The following MBD5 variants were observed in gnomAD, a reference collection of about 807,000 sequenced individuals.
MBD5 encodes methyl-CpG-binding domain protein 5.
In MBD5, 13 loss-of-function variants were observed where a neutral mutation model predicts 117.3. That is an observed-to-expected ratio of 0.11 (90% CI 0.07 to 0.18). The LOEUF is 0.18. Ranked by LOEUF, MBD5 falls within the 10% of genes least tolerant of loss-of-function variation. The pLI is 1.00. For missense variants in MBD5, 1,879 were observed against 2,093.8 expected (o/e 0.90, Z 2.00); for synonymous variants, 727 against 766.4 (o/e 0.95, Z 0.85).
chr2:148,276,522 T>G (rs1417426342), intron 3 of MBD5, among the ~76,000 whole-genome samples: 5 of 152,228 alleles, frequency 3.3e-5, no homozygotes, highest in African/African-American at 1.2e-4. Context: ...GAACTTTTAC[T>G]TAAATACTTA....
At chr2:148,176,649 T>C (rs1698397860) in intron 1 of MBD5, among the ~76,000 whole-genome samples, 1 of 152,080 alleles carries the variant, frequency 6.6e-6, no homozygotes, top group South Asian at 2.1e-4. Context: ...CCTCAGGTGA[T>C]CCACCTGCCT....
intron 1 of MBD5, among the ~76,000 whole-genome samples, chr2:148,172,459 G>A (rs1003105926): frequency 6.6e-6 from 1 of 152,346 alleles, no homozygotes; most frequent in African/African-American, 2.4e-5. Flanking sequence ...AACTTTGGGA[G>A]GGAGGCCTGG....
intron 1 of MBD5, among the ~76,000 whole-genome samples, chr2:148,023,634 A>G (rs1178696340): frequency 1.3e-5 from 2 of 152,210 alleles, no homozygotes; most frequent in African/African-American, 2.4e-5. Context: ...AAGGTAAGAG[A>G]GAGACAGTAG....
chr2:148,509,180 A>C (rs923268001), intron 12 of MBD5, among the ~76,000 whole-genome samples: 5 of 152,212 alleles, frequency 3.3e-5, no homozygotes. Context: ...GACAGGGTAA[A>C]TGAAAAGAAT....
intron 3 of MBD5, among the ~76,000 whole-genome samples, chr2:148,237,504 A>G (rs1700116628): frequency 6.6e-6 from 1 of 152,206 alleles, no homozygotes; most frequent in Non-Finnish European, 1.5e-5. Flanking sequence ...ACAGCCAGGC[A>G]TTGGAGTATT....
intron 4 of MBD5, among the ~76,000 whole-genome samples, chr2:148,404,682 G>A (rs1261688827): frequency 6.6e-6 from 1 of 152,056 alleles, no homozygotes; most frequent in Admixed American, 6.6e-5. Context: ...TATTTCTGAG[G>A]GACTGCGCCT....
At chr2:148,223,809 C>G (rs1443979357) in intron 2 of MBD5, among the ~76,000 whole-genome samples, 3 of 151,906 alleles carry the variant, frequency 2.0e-5, no homozygotes, top group Non-Finnish European at 4.4e-5. Flanking sequence ...TAAGATGAAT[C>G]TTTAGGTTGT....
At chr2:148,226,682 C>T (rs907409512) in intron 2 of MBD5, among the ~76,000 whole-genome samples, 18 of 152,102 alleles carry the variant, frequency 1.2e-4, no homozygotes, top group Admixed American at 9.8e-4. Context: ...CCTGAGGAAT[C>T]GCCACACCGA....
intron 2 of MBD5, among the ~76,000 whole-genome samples, chr2:148,201,056 C>T (rs933540772): frequency 2.0e-5 from 3 of 152,216 alleles, no homozygotes; most frequent in African/African-American, 7.2e-5. Flanking sequence ...CAACCGGAGA[C>T]CTCTGGCCAA....
At chr2:148,412,638 A>G (rs751112307) in intron 4 of MBD5, among the ~76,000 whole-genome samples, 18 of 151,988 alleles carry the variant, frequency 1.2e-4, no homozygotes, top group Non-Finnish European at 2.1e-4. Context: ...CTCTTTGAGC[A>G]GTGTTTTGTA....
chr2:148,413,622 G>A (rs1296292576), intron 4 of MBD5, among the ~76,000 whole-genome samples: 1 of 151,240 alleles, frequency 6.6e-6, no homozygotes, highest in Non-Finnish European at 1.5e-5. Context: ...CTGGTTGGTA[G>A]ATTTTTATTA....
At chr2:148,428,716 A>G (rs1705888640) in intron 4 of MBD5, among the ~76,000 whole-genome samples, 2 of 152,210 alleles carry the variant, frequency 1.3e-5, no homozygotes, top group South Asian at 4.1e-4. Context: ...CTGATCTTTG[A>G]CAAACCTGAC....
chr2:148,318,509 A>G (rs1559020178), intron 3 of MBD5, among the ~76,000 whole-genome samples: 1 of 151,996 alleles, frequency 6.6e-6, no homozygotes, highest in African/African-American at 2.4e-5. Context: ...TTTGTCTTTG[A>G]GAACTTACTC....
rs371450924 is a variant in MBD5, at chr2:148,446,214, A to G, written c.-556-11989A>G. ...AGACATGAAGCCCTTGCCCACGCCT[A>G]TGTCCTGAATGGTATTGCCTAGGTT... On this transcript the variant is annotated intron_variant, in intron 4 of 13. Transcript: ENST00000642680. Among the ~76,000 whole-genome samples, 230 of 151,420 alleles carry G rather than the reference A, an allele frequency of 1.5e-3. 1 individual carries two copies. Among genetic ancestry groups the G allele is most frequent in the African/African-American group, 5.3e-3 (217 of 40,806 alleles).
intron 8 of MBD5, 49 bp downstream of exon 8, chr2:148,470,510 T>C (rs536339237): frequency 6.9e-7 from 1 of 1,448,980 alleles, no homozygotes; most frequent in South Asian, 1.4e-5. Context: ...ACTTTTCTAC[T>C]TTTTTAAAAA....
intron 3 of MBD5, among the ~76,000 whole-genome samples, chr2:148,338,909 A>G (rs1298432119): frequency 6.6e-6 from 1 of 152,190 alleles, no homozygotes; most frequent in African/African-American, 2.4e-5. Flanking sequence ...AGTTCTGCCT[A>G]AAGACATTCA....
chr2:148,159,169 T>A (rs1266637934), intron 1 of MBD5, among the ~76,000 whole-genome samples: 1 of 152,242 alleles, frequency 6.6e-6, no homozygotes. Context: ...ACTCTTATTC[T>A]GTTTCCAAAT....
intron 4 of MBD5, among the ~76,000 whole-genome samples, chr2:148,414,289 G>T (rs1474383482): frequency 6.6e-6 from 1 of 152,088 alleles, no homozygotes; most frequent in African/African-American, 2.4e-5. Flanking sequence ...GATTTTCTTA[G>T]TATTGATTTC....
At chr2:148,172,194 A>G (rs942993006) in intron 1 of MBD5, among the ~76,000 whole-genome samples, 3 of 152,214 alleles carry the variant, frequency 2.0e-5, no homozygotes, top group Non-Finnish European at 4.4e-5. Flanking sequence ...AACCAGGAAC[A>G]GCACCTGCAG....
Sources: allele counts gnomAD v4.1 joint callset (sites outside exome capture counted in the v4.1 genomes callset), GRCh38; gene constraint gnomAD v4.1.1; transcripts MANE v1.5; gene names NCBI Gene and HGNC (gene_info 2026-07-23, HGNC 2026-07-21).